PRKG1: variants seen among roughly 807,000 people sequenced by gnomAD.
PRKG1 encodes protein kinase cGMP-dependent 1, also known as cGMP-dependent protein kinase 1.
Under a neutral mutation model 88.1 loss-of-function variants are expected in PRKG1, and 35 were observed. The observed-to-expected ratio is 0.40, with a 90% CI of 0.30 to 0.53. The LOEUF is 0.53. Among genes scored for constraint, PRKG1 ranks in the 20% least tolerant of loss-of-function variants. The pLI, the probability that PRKG1 is intolerant of heterozygous loss-of-function variation, is 0.59. For synonymous variants in PRKG1, 303 were observed against 292.5 expected (o/e 1.04, Z -0.37); for missense variants, 540 against 839.8 (o/e 0.64, Z 4.41).
At chr10:51,998,366 G>A (rs1844506560) in intron 5 of PRKG1, among the ~76,000 whole-genome samples, 1 of 152,054 alleles carries the variant, frequency 6.6e-6, no homozygotes, top group African/African-American at 2.4e-5. Context: ...GAAGTTTATG[G>A]ATACTAGTGT....
chr10:51,497,364 G>A (rs781176265), intron 3 of PRKG1, among the ~76,000 whole-genome samples: 1 of 152,060 alleles, frequency 6.6e-6, no homozygotes, highest in Non-Finnish European at 1.5e-5. Context: ...CACCTATTAT[G>A]TTTCAAGCAC....
intron 1 of PRKG1, among the ~76,000 whole-genome samples, chr10:51,049,559 A>G (rs1843535482): frequency 6.6e-6 from 1 of 152,198 alleles, no homozygotes; most frequent in South Asian, 2.1e-4. Context: ...TATAAGTGCT[A>G]AGTTTTCTAG....
At chr10:51,408,111 A>T (rs141548460) in intron 2 of PRKG1, among the ~76,000 whole-genome samples, 16 of 152,218 alleles carry the variant, frequency 1.1e-4, no homozygotes, top group Non-Finnish European at 1.6e-4. Context: ...TTCCACTTCC[A>T]CCCCTTGATT....
chr10:51,297,633 A>G (rs1223213320), intron 2 of PRKG1, among the ~76,000 whole-genome samples: 3 of 152,128 alleles, frequency 2.0e-5, no homozygotes, highest in South Asian at 2.1e-4. Flanking sequence ...GTGCATTTCT[A>G]TGTATGAGCA....
intron 1 of PRKG1, among the ~76,000 whole-genome samples, chr10:51,132,728 G>A (rs1845599566): frequency 6.8e-6 from 1 of 147,258 alleles, no homozygotes; most frequent in Admixed American, 6.8e-5. Flanking sequence ...TATTATATAT[G>A]TAATATAATA....
At chr10:51,565,973 A>G (rs1239242620) in intron 3 of PRKG1, among the ~76,000 whole-genome samples, 3 of 152,146 alleles carry the variant, frequency 2.0e-5, no homozygotes, top group Non-Finnish European at 4.4e-5. Flanking sequence ...ATGGGAAATT[A>G]AAGAAGAAAA....
intron 3 of PRKG1, among the ~76,000 whole-genome samples, chr10:51,553,563 A>G (rs1477904728): frequency 6.6e-6 from 1 of 151,542 alleles, no homozygotes; most frequent in Non-Finnish European, 1.5e-5. Context: ...GCCTCTTTCC[A>G]TTCTCTCCTG....
In PRKG1 at chr10:51,139,652, G is replaced by A. The variant is rs1041767870; in HGVS notation, c.312-13512G>A. On this transcript the variant is annotated intron_variant, in intron 1 of 17. Transcript: ENST00000373980. Reference sequence around the variant, plus strand: ...ATCCTTACATTCATTCTACCAGTAAGTCCTATAGCGCCCACTTGCAAAATA... The same window carrying A: ...ATCCTTACATTCATTCTACCAGTAAATCCTATAGCGCCCACTTGCAAAATA... Among the ~76,000 whole-genome samples the A allele has an allele frequency of 2.6e-5, 4 of 152,178 alleles. No homozygotes were observed. In the East Asian group the frequency reaches 5.8e-4, roughly 22 times the overall value.
chr10:51,738,754 G>C (rs2132486097), intron 3 of PRKG1, among the ~76,000 whole-genome samples: 1 of 152,218 alleles, frequency 6.6e-6, no homozygotes, highest in African/African-American at 2.4e-5. Flanking sequence ...AAACAGTTTA[G>C]ATGAAATAAA....
At chr10:51,859,050 T>G (rs1291039297) in intron 4 of PRKG1, among the ~76,000 whole-genome samples, 2 of 152,140 alleles carry the variant, frequency 1.3e-5, no homozygotes, top group African/African-American at 2.4e-5. Context: ...CCTGCTTATT[T>G]GAGAAAGTGA....
At chr10:51,277,774 C>G (rs1234620716) in intron 2 of PRKG1, among the ~76,000 whole-genome samples, 1 of 152,140 alleles carries the variant, frequency 6.6e-6, no homozygotes, top group East Asian at 1.9e-4. Context: ...TGGTGTATAG[C>G]AATGCTTGTG....
chr10:52,011,146 G>A (rs1844869089), intron 5 of PRKG1, among the ~76,000 whole-genome samples: 1 of 152,186 alleles, frequency 6.6e-6, no homozygotes, highest in African/African-American at 2.4e-5. Context: ...AGATAGACCT[G>A]GTTAGGTAGG....
At chr10:52,046,990 G>C (rs1187603402) in intron 5 of PRKG1, 1 of 152,054 alleles carries the variant, frequency 6.6e-6, no homozygotes, top group Non-Finnish European at 1.5e-5. Context: ...AGAGTGTCCC[G>C]AGTGGAAGAT....
upstream of PRKG1, among the ~76,000 whole-genome samples, chr10:51,074,052 G>C (rs1326782777): frequency 1.3e-5 from 2 of 151,966 alleles, no homozygotes; most frequent in Non-Finnish European, 2.9e-5. Flanking sequence ...GAGGCCTCCC[G>C]AGTTTGCCCG....
intron 9 of PRKG1, among the ~76,000 whole-genome samples, chr10:52,247,886 AT>A (rs1841065864): frequency 6.6e-6 from 1 of 152,200 alleles, no homozygotes; most frequent in Non-Finnish European, 1.5e-5. Context: ...GTGGGAAATC[AT>A]GGGTCTCACA....
intron 2 of PRKG1, among the ~76,000 whole-genome samples, chr10:51,214,056 A>C (rs781719924): frequency 6.6e-6 from 1 of 152,210 alleles, no homozygotes; most frequent in East Asian, 1.9e-4. Flanking sequence ...TTTACAACTG[A>C]GTTCAAAAAT....
intron 1 of PRKG1, among the ~76,000 whole-genome samples, chr10:51,129,154 G>GT (rs1444409481): frequency 6.6e-6 from 1 of 152,108 alleles, no homozygotes; most frequent in Non-Finnish European, 1.5e-5. Context: ...CCACCTCCAA[G>GT]TTTTTCACAA....
intron 9 of PRKG1, among the ~76,000 whole-genome samples, chr10:52,203,308 A>C (rs534447574): frequency 6.6e-6 from 1 of 152,178 alleles, no homozygotes; most frequent in African/African-American, 2.4e-5. Flanking sequence ...TTTAATTTCC[A>C]TGTAATTGTA....
chr10:51,032,436 A>T (rs566921220), intron 1 of PRKG1, among the ~76,000 whole-genome samples: 33 of 152,102 alleles, frequency 2.2e-4, no homozygotes, highest in African/African-American at 8.0e-4. Context: ...GACAATGAAG[A>T]TAATGCATGT....
Sources: allele counts gnomAD v4.1 joint callset (sites outside exome capture counted in the v4.1 genomes callset), GRCh38; gene constraint gnomAD v4.1.1; transcripts MANE v1.5; gene names NCBI Gene and HGNC (gene_info 2026-07-23, HGNC 2026-07-21).